PCBP3: variants seen among roughly 807,000 people sequenced by gnomAD.
PCBP3 encodes the protein poly(rC) binding protein 3.
Under a neutral mutation model 52.7 loss-of-function variants are expected in PCBP3, and 25 were observed. The observed-to-expected ratio is 0.47, with a 90% CI of 0.35 to 0.66. PCBP3 has a LOEUF of 0.66. PCBP3 is among the 30% of genes least tolerant of loss of function. PCBP3 has a pLI of 0.01. For synonymous variants in PCBP3, 162 were observed against 183.0 expected (o/e 0.89, Z 0.93); for missense variants, 391 against 490.3 (o/e 0.80, Z 1.91).
intron 4 of PCBP3, among the ~76,000 whole-genome samples, chr21:45,812,873 T>G (rs1377079444): frequency 1.3e-5 from 2 of 152,252 alleles, no homozygotes; most frequent in African/African-American, 4.8e-5. Context: ...TGGCTTCCAC[T>G]GTTTTTGATG....
intron 4 of PCBP3, among the ~76,000 whole-genome samples, chr21:45,818,802 C>G (rs767626219): frequency 5.3e-5 from 8 of 152,170 alleles, no homozygotes; most frequent in Non-Finnish European, 7.3e-5. Flanking sequence ...AGTGGTGCAT[C>G]CAGACAGTGG....
chr21:45,732,414 TTTG>T (rs1328505238), intron 2 of PCBP3, among the ~76,000 whole-genome samples: 3 of 151,824 alleles, frequency 2.0e-5, no homozygotes, highest in Non-Finnish European at 4.4e-5. Context: ...CCAGTTTTGA[TTTG>T]TTTTGTTTTT....
rs2839003 is a variant in PCBP3, at chr21:45,817,795, C to T, written c.-125-32166C>T. 0.18 allele frequency among the ~76,000 whole-genome samples: 27,926 copies of T among 152,172 alleles called. 2,721 individuals carry two copies. Among genetic ancestry groups the T allele is most frequent in the Middle Eastern group, 0.33 (96 of 294 alleles). The stretch of plus-strand genomic sequence containing the variant: ...CTCCTTCATGGTTGGAATCAAAATC[C>T]AAAACCTTGTGGTTTCCATTTTCAG... On this transcript the variant is annotated intron_variant, in intron 4 of 17. Coordinates refer to ENST00000681687, the MANE Select transcript of PCBP3 (RefSeq NM_001384156.1). This position sits in a 1 kb window ranked among gnomAD's most constrained non-coding sequence, Gnocchi z 4.3.
chr21:45,744,460 G>T (rs1433981971), intron 3 of PCBP3: 2 of 152,130 alleles, frequency 1.3e-5, no homozygotes, highest in African/African-American at 4.8e-5. Context: ...TCCTCTCAAA[G>T]TGCTAGGATT....
At chr21:45,687,276 C>T (rs895046346) in intron 2 of PCBP3, among the ~76,000 whole-genome samples, 1 of 151,968 alleles carries the variant, frequency 6.6e-6, no homozygotes, top group Admixed American at 6.6e-5. Flanking sequence ...TAAAGACTTT[C>T]CAGAAAAACA....
chr21:45,673,211 C>A (rs2081277059), intron 2 of PCBP3, among the ~76,000 whole-genome samples: 1 of 152,160 alleles, frequency 6.6e-6, no homozygotes, highest in East Asian at 1.9e-4. Context: ...TGATTAGACT[C>A]TTTCTTTGGG....
chr21:45,678,423 A>G (rs978000731), intron 2 of PCBP3, among the ~76,000 whole-genome samples: 3 of 152,106 alleles, frequency 2.0e-5, no homozygotes, highest in Non-Finnish European at 2.9e-5. Context: ...ACCTTCTGAG[A>G]GGCATTCACC....
At chr21:45,760,313 A>G (rs1473233394) in intron 4 of PCBP3, 1 of 152,194 alleles carries the variant, frequency 6.6e-6, no homozygotes, top group Non-Finnish European at 1.5e-5. Context: ...AGCACCTGGA[A>G]TACAGGCATG....
intron 4 of PCBP3, among the ~76,000 whole-genome samples, chr21:45,811,648 C>T (rs2092689729): frequency 6.6e-6 from 1 of 152,240 alleles, no homozygotes. Context: ...ATTGTCCTTA[C>T]ACCAGCTTTG....
intron 1 of PCBP3, among the ~76,000 whole-genome samples, chr21:45,644,341 G>A (rs1029070262): frequency 8.6e-5 from 13 of 151,928 alleles, no homozygotes; most frequent in Admixed American, 7.2e-4. Flanking sequence ...GGAGAGCGCG[G>A]CCTCACCCCT....
chr21:45,871,561 G>A (rs528945547), intron 5 of PCBP3: 197 of 152,644 alleles, frequency 1.3e-3, no homozygotes, highest in Non-Finnish European at 2.3e-3. Context: ...CCTGGGCAGG[G>A]GCGTGGGGTG....
intron 4 of PCBP3, among the ~76,000 whole-genome samples, chr21:45,795,752 A>G (rs1372628851): frequency 6.6e-6 from 1 of 152,258 alleles, no homozygotes; most frequent in Admixed American, 6.5e-5. Context: ...TTAATACAGT[A>G]GAGCATGGAA....
intron 9 of PCBP3, 167 bp downstream of exon 9, chr21:45,901,280 C>A: frequency 1.6e-6 from 1 of 609,224 alleles, no homozygotes; most frequent in East Asian, 2.8e-5. Context: ...CTCCGCAGCT[C>A]TGGTTCACCC....
chr21:45,834,656 C>T (rs1044867850), intron 4 of PCBP3, among the ~76,000 whole-genome samples: 6 of 152,316 alleles, frequency 3.9e-5, no homozygotes, highest in South Asian at 2.1e-4. Context: ...TGTGAGATGG[C>T]GTGCAGATGG....
At chr21:45,839,885 C>T (rs1404328922) in intron 4 of PCBP3, among the ~76,000 whole-genome samples, 2 of 152,020 alleles carry the variant, frequency 1.3e-5, no homozygotes, top group Non-Finnish European at 2.9e-5. Flanking sequence ...CGGGGTTTCA[C>T]CATGTTGGTC....
chr21:45,786,421 G>A (rs1352893924), intron 4 of PCBP3, among the ~76,000 whole-genome samples: 2 of 151,926 alleles, frequency 1.3e-5, no homozygotes, highest in African/African-American at 4.8e-5. Flanking sequence ...CTCCCGAGTA[G>A]CTGGGATTAT....
At chr21:45,869,867 T>C (rs1409267456) in intron 5 of PCBP3, among the ~76,000 whole-genome samples, 1 of 152,254 alleles carries the variant, frequency 6.6e-6, no homozygotes, top group Non-Finnish European at 1.5e-5. Flanking sequence ...ACCAAGGTGC[T>C]GTGGCCGCAC....
chr21:45,682,711 G>A (rs1313945287), intron 2 of PCBP3, among the ~76,000 whole-genome samples: 1 of 152,052 alleles, frequency 6.6e-6, no homozygotes, highest in Non-Finnish European at 1.5e-5. Context: ...GCCATCAGTT[G>A]ATATAGAGAA....
intron 2 of PCBP3, among the ~76,000 whole-genome samples, chr21:45,689,310 A>G (rs1017937792): frequency 4.6e-5 from 7 of 152,070 alleles, no homozygotes; most frequent in African/African-American, 1.4e-4. Flanking sequence ...AGTAAACTCA[A>G]AATATTAACA....
Sources: allele counts gnomAD v4.1 joint callset (sites outside exome capture counted in the v4.1 genomes callset), GRCh38; gene constraint gnomAD v4.1.1; non-coding constraint Gnocchi (gnomAD v3.1); transcripts MANE v1.5; gene names NCBI Gene and HGNC (gene_info 2026-07-23, HGNC 2026-07-21).